ITPK1: variants seen among roughly 807,000 people sequenced by gnomAD.
ITPK1 encodes the protein inositol 1,3,4-trisphosphate 5/6-kinase.
A neutral mutation model predicts 45.3 loss-of-function variants in ITPK1; 21 were observed. The ratio of observed to expected loss-of-function variants is 0.46; its 90% CI spans 0.33 to 0.67. The LOEUF is 0.67. ITPK1 is among the 30% of genes least tolerant of loss of function. ITPK1 has a pLI of 0.02. For missense variants in ITPK1, 474 were observed against 573.5 expected (o/e 0.83, Z 1.77); for synonymous variants, 258 against 253.6 (o/e 1.02, Z -0.16).
intron 3 of ITPK1, among the ~76,000 whole-genome samples, chr14:93,054,322 A>G (rs760731012): frequency 6.6e-6 from 1 of 152,208 alleles, no homozygotes; most frequent in Admixed American, 6.5e-5. Flanking sequence ...CAGAAACTGG[A>G]GCCCATGTCT....
At chr14:93,058,932 C>T (rs1462645232) in intron 3 of ITPK1, among the ~76,000 whole-genome samples, 2 of 2,772 alleles carry the variant, frequency 7.2e-4, no homozygotes, top group African/African-American at 3.8e-3. Flanking sequence ...GTGCGGGTCA[C>T]GAGGCAGGGG....
chr14:93,095,452 G>C (rs915076942), intron 2 of ITPK1, among the ~76,000 whole-genome samples: 1 of 152,118 alleles, frequency 6.6e-6, no homozygotes, highest in Non-Finnish European at 1.5e-5. Context: ...TCCAAAGCCA[G>C]CTTCTGGGCC....
At chr14:92,997,735 C>G (rs897382006) in intron 4 of ITPK1, among the ~76,000 whole-genome samples, 1 of 152,180 alleles carries the variant, frequency 6.6e-6, no homozygotes, top group Admixed American at 6.5e-5. Flanking sequence ...TAAAGGACAC[C>G]AAGAGTGGGA....
At chr14:93,013,828 C>T (rs915958498) in intron 4 of ITPK1, among the ~76,000 whole-genome samples, 1 of 152,162 alleles carries the variant, frequency 6.6e-6, no homozygotes, top group Non-Finnish European at 1.5e-5. Context: ...GTCAAGTGTC[C>T]GCCTCCCTGG....
chr14:93,066,322 GT>G (rs1566766171), intron 3 of ITPK1: 25 of 271,738 alleles, frequency 9.2e-5, no homozygotes, highest in Non-Finnish European at 1.8e-4. Flanking sequence ...GTGTGTGTAT[GT>G]GTGTGTGTGT....
At chr14:92,946,263 C>T (rs1049796489) in intron 10 of ITPK1, 68 bp downstream of exon 10, 3 of 1,572,084 alleles carry the variant, frequency 1.9e-6, no homozygotes, top group African/African-American at 1.3e-5. Flanking sequence ...CACCCCGCCT[C>T]ACCTGCCTGG....
At chr14:93,065,568 A>C (rs1042874096) in intron 3 of ITPK1, among the ~76,000 whole-genome samples, 2 of 152,220 alleles carry the variant, frequency 1.3e-5, no homozygotes, top group Non-Finnish European at 2.9e-5. Context: ...TAACCTGTCC[A>C]GTTCTAAGTC....
At chr14:93,038,173 T>G (rs150988882) in intron 3 of ITPK1, among the ~76,000 whole-genome samples, 2,797 of 152,116 alleles carry the variant, frequency 0.018, 76 homozygotes, top group African/African-American at 0.064. Context: ...TAGCTGGGAC[T>G]ACAGGTGTGA....
chr14:92,941,967 A>C, intron 10 of ITPK1, 63 bp from the exon 11 acceptor site: 1 of 1,431,324 alleles, frequency 7.0e-7, no homozygotes, highest in Non-Finnish European at 9.7e-7. Context: ...TGCAGGGAGG[A>C]GGAGGAGGAG....
chr14:93,021,525 G>A (rs1280070818), intron 3 of ITPK1, among the ~76,000 whole-genome samples: 5 of 151,816 alleles, frequency 3.3e-5, no homozygotes, highest in African/African-American at 9.7e-5. Context: ...CCCGGGAGGC[G>A]GAGGTTGCAG....
chr14:93,084,152 G>A (rs1303989397), intron 2 of ITPK1, among the ~76,000 whole-genome samples: 2 of 152,214 alleles, frequency 1.3e-5, no homozygotes, highest in Middle Eastern at 6.3e-3. Flanking sequence ...AGCACATGAG[G>A]CTGCCACCCA....
chr14:93,086,682 G>A (rs780762024), intron 2 of ITPK1, among the ~76,000 whole-genome samples: 6 of 152,228 alleles, frequency 3.9e-5, no homozygotes, highest in African/African-American at 7.2e-5. Flanking sequence ...GGAAGTTTCA[G>A]TAGAGCTGCT....
intron 4 of ITPK1, among the ~76,000 whole-genome samples, chr14:92,998,692 G>C (rs1180281415): frequency 1.3e-5 from 2 of 152,170 alleles, no homozygotes; most frequent in Non-Finnish European, 1.5e-5. Context: ...GGGGAAATGG[G>C]AGGCAGGTAA....
In ITPK1 at chr14:93,115,070, T is replaced by C. The variant is rs765745957; in HGVS notation, c.94A>G (p.Arg32Gly). Reference protein sequence around the residue: ...LNFQAFAELCRKRGMEVVQLN... With the variant: ...LNFQAFAELCGKRGMEVVQLN... Reference sequence around the variant, plus strand: ...CGCCGGCGCCGCGTCCCTCCTTACCTGCACAGCTCGGCGAAGGCCTGGAAA... The same window carrying C: ...CGCCGGCGCCGCGTCCCTCCTTACCCGCACAGCTCGGCGAAGGCCTGGAAA... The change falls in exon 2 of 11, where the codon AGG becomes GGG. Residue 32 changes from arginine to glycine, a missense_variant and splice_region_variant. By Grantham distance (125) the Arg-to-Gly change is moderately radical. This residue lies in a region of ITPK1 where 367 missense variants were observed against 480.6 expected (regional missense o/e 0.76). Coordinates refer to ENST00000267615, the MANE Select transcript of ITPK1 (RefSeq NM_014216.6). 8.8e-6 allele frequency: 14 copies of C among 1,596,050 alleles called. No homozygotes were observed. In the Admixed American group the frequency reaches 2.4e-4, roughly 27 times the overall value.
At chr14:93,105,180 C>T (rs1423907061) in intron 2 of ITPK1, among the ~76,000 whole-genome samples, 1 of 152,108 alleles carries the variant, frequency 6.6e-6, no homozygotes, top group Non-Finnish European at 1.5e-5. Context: ...CTCAGGTGAA[C>T]GGTGCCAGAC....
At chr14:93,099,486 C>G (rs1008718864) in intron 2 of ITPK1, among the ~76,000 whole-genome samples, 4 of 152,354 alleles carry the variant, frequency 2.6e-5, no homozygotes, top group African/African-American at 9.6e-5. Flanking sequence ...TCTCCAGGAA[C>G]TCAGGCAGCA....
intron 5 of ITPK1, among the ~76,000 whole-genome samples, chr14:92,987,317 C>T (rs890455820): frequency 7.2e-5 from 11 of 152,074 alleles, no homozygotes; most frequent in East Asian, 1.9e-4. Flanking sequence ...GGAAAGGGGA[C>T]GGGGCAGTGT....
At chr14:92,952,510 AGGGTTCT>A (rs142720044) in intron 8 of ITPK1, among the ~76,000 whole-genome samples, 15,878 of 152,188 alleles carry the variant, frequency 0.1, 1,008 homozygotes, top group East Asian at 0.23. Context: ...TAAAATACAA[AGGGTTCT>A]GGTGGTTCTT....
chr14:93,035,210 G>A (rs868055397), intron 3 of ITPK1, among the ~76,000 whole-genome samples: 5 of 152,194 alleles, frequency 3.3e-5, no homozygotes, highest in Middle Eastern at 3.2e-3. Flanking sequence ...CCAGGCACTC[G>A]CTGTGGACTT....
Sources: allele counts gnomAD v4.1 joint callset (sites outside exome capture counted in the v4.1 genomes callset), GRCh38; gene constraint gnomAD v4.1.1; regional missense constraint gnomAD v4.1.1; transcripts MANE v1.5; gene names NCBI Gene and HGNC (gene_info 2026-07-23, HGNC 2026-07-21).